IQSEC2: variants seen among roughly 807,000 people sequenced by gnomAD.
The protein encoded by IQSEC2 is IQ motif and SEC7 domain-containing protein 2.
In IQSEC2, 6 loss-of-function variants were observed where a neutral mutation model predicts 74.6. The ratio of observed to expected loss-of-function variants is 0.08; its 90% confidence interval spans 0.04 to 0.16. IQSEC2 has a LOEUF of 0.16. Ranked by LOEUF, IQSEC2 falls within the 10% of genes least tolerant of loss-of-function variation. The probability of loss-of-function intolerance (pLI) is 1.00; values close to 1 mark genes in which losing one functional copy is unlikely to be tolerated. For synonymous variants in IQSEC2, 494 were observed against 544.5 expected (o/e 0.91, Z 1.29); for missense variants, 734 against 1,306.2 (o/e 0.56, Z 6.75).
intron 1 of IQSEC2, among the ~76,000 whole-genome samples, chrX:53,315,618 C>A (rs1374454319): frequency 1.8e-5 from 2 of 112,047 alleles, no homozygotes; most frequent in African/African-American, 6.5e-5. Flanking sequence ...ATAACAATAT[C>A]TACACGAGAG....
At chrX:53,266,559 C>T in intron 2 of IQSEC2, 1 of 763,613 alleles carries the variant, frequency 1.3e-6, no homozygotes, top group Non-Finnish European at 1.5e-6. Context: ...CCCTAGGCAC[C>T]CTGCATCTCT....
chrX:53,259,913 C>A (rs1181923065), intron 2 of IQSEC2, among the ~76,000 whole-genome samples: 2 of 112,427 alleles, frequency 1.8e-5, no homozygotes, highest in African/African-American at 3.2e-5. Context: ...ACTGAGCACC[C>A]TCTGTATGCC....
chrX:53,254,829 C>G lies in IQSEC2; in HGVS notation c.1102G>C (p.Glu368Gln), dbSNP rs1556864716. The change falls in exon 4 of 15, where the codon GAG becomes CAG. Residue 368 changes from glutamate (E) to glutamine (Q), a missense_variant. Transcript: ENST00000642864. ...FRQYRMNKNFERLRSSASESR... is the reference protein window; with the variant it reads ...FRQYRMNKNFQRLRSSASESR... ...TCTGAGGCTGAGCTGCGTAGCCGCT[C>G]AAAGTTCTTGTTCATGCGGTACTGG... is the stretch of plus-strand genomic sequence containing the variant. 1.7e-6 allele frequency: 2 copies of G among 1,206,485 alleles called. No homozygotes were observed. The highest frequency in any genetic ancestry group is 1.7e-5 in the African/African-American group (1 of 57,168).
intron 2 of IQSEC2, among the ~76,000 whole-genome samples, chrX:53,280,567 G>C (rs2074938931): frequency 9.1e-6 from 1 of 110,170 alleles, no homozygotes; most frequent in Non-Finnish European, 1.9e-5. Flanking sequence ...CAGAGGATGG[G>C]GTGGTTCCAG....
downstream of IQSEC2, chrX:53,229,181 CG>C (rs1278372879): frequency 8.9e-6 from 1 of 111,753 alleles, no homozygotes; most frequent in Admixed American, 9.5e-5. Context: ...TAAAAAGAAC[CG>C]GGGCTCCTTG....
In IQSEC2 at chrX:53,241,842, C is replaced by T. The variant is rs782159168; in HGVS notation, c.2957G>A (p.Arg986His). The change falls in exon 10 of 15, where the codon CGC (arginine) becomes CAC (histidine). Residue 986 changes from arginine (R) to histidine (H), a missense_variant. Around this residue, in one of 12 missense-constraint regions of IQSEC2, gnomAD observed 249 missense variants for 467.9 expected, o/e 0.53. Coordinates refer to ENST00000642864, the MANE Select transcript of IQSEC2 (RefSeq NM_001111125.3). The stretch of plus-strand genomic sequence containing the variant: ...CTGATGCAACCCTAGCCTCTGGGGG[C>T]GGTTTGGATCTGGCACCTCGTAGAG... ...CQLYEVPDPNRPQRLGLHQRE... is the reference protein window; with the variant it reads ...CQLYEVPDPNHPQRLGLHQRE... 10 of 1,210,930 alleles carry T rather than the reference C, an allele frequency of 8.3e-6. No individual in the cohort carries two copies. The highest frequency in any genetic ancestry group is 5.3e-5 in the South Asian group (3 of 56,772).
chrX:53,243,197 C>CAGA, intron 9 of IQSEC2, 135 bp downstream of exon 9: 1 of 502,367 alleles, frequency 2.0e-6, no homozygotes. Context: ...CCACAGCCTT[C>CAGA]TGAGGAATGC....
intron 1 of IQSEC2, among the ~76,000 whole-genome samples, chrX:53,319,904 C>G (rs2075412058): frequency 9.2e-6 from 1 of 108,882 alleles, no homozygotes; most frequent in Non-Finnish European, 1.9e-5. Context: ...GTCTCAGCCT[C>G]CAGCAGCCAT....
intron 2 of IQSEC2, among the ~76,000 whole-genome samples, chrX:53,288,379 C>T (rs782345073): frequency 2.0e-4 from 22 of 110,375 alleles, no homozygotes; most frequent in East Asian, 5.8e-4. Flanking sequence ...CGGGTGTCAG[C>T]GGCTCCCCCA....
In IQSEC2 at chrX:53,260,701, T is replaced by G. The variant is rs185431226; in HGVS notation, c.738-4640A>C. Among the ~76,000 whole-genome samples, 347 of 111,505 alleles carry G rather than the reference T, an allele frequency of 3.1e-3. 3 individuals carry two copies. Among genetic ancestry groups the G allele is most frequent in the African/African-American group, 0.011 (329 of 30,652 alleles). On this transcript the variant is annotated intron_variant, in intron 2 of 14. Coordinates refer to ENST00000642864, the MANE Select transcript of IQSEC2 (RefSeq NM_001111125.3). ...TGTCTTACACCCGCTCCTCTCGGGC[T>G]GCAGTAGGGCCCTGTTGTCACCTCT...
rs782112810 is a variant in IQSEC2 at position 53,234,983 on chromosome X, C to T, written c.3703G>A (p.Ala1235Thr). 2 of 1,167,477 alleles carry T rather than the reference C, an allele frequency of 1.7e-6. No homozygotes were observed. Among genetic ancestry groups the T allele is most frequent in the South Asian group, 1.9e-5 (1 of 52,725 alleles). The change falls in exon 15 of 15, where the codon GCT (alanine) becomes ACT (threonine). Residue 1235 changes from alanine to threonine, a missense_variant. Coordinates refer to ENST00000642864, the MANE Select transcript of IQSEC2 (RefSeq NM_001111125.3). ...TGQASASSSSASSTHHHHHHH... is the reference protein window; with the variant it reads ...TGQASASSSSTSSTHHHHHHH... ...TGGTGGTGGTGGTGCGTGGAAGAAGCAGATGAAGAGGAGGCAGAGGCCTGG... is the reference window on the plus strand; with the variant it reads ...TGGTGGTGGTGGTGCGTGGAAGAAGTAGATGAAGAGGAGGCAGAGGCCTGG...
chrX:53,234,945 A>ATGATGG lies in IQSEC2; in HGVS notation c.3735_3740dup (p.His1246_His1247dup), dbSNP rs1556859208. 1 of 1,167,458 alleles carries ATGATGG rather than the reference A, an allele frequency of 8.6e-7. No individual in the cohort carries two copies. On this transcript the variant is annotated inframe_insertion, in exon 15 of 15. Coordinates refer to ENST00000642864, the MANE Select transcript of IQSEC2 (RefSeq NM_001111125.3). ...CCCCCAGGCCACCGTGGCTATGGCC[A>ATGATGG]TGATGGTGGTGGTGGTGGTGGTGGT...
intron 2 of IQSEC2, among the ~76,000 whole-genome samples, chrX:53,263,569 C>T (rs1024614938): frequency 1.0e-4 from 11 of 110,447 alleles, no homozygotes; most frequent in Non-Finnish European, 1.7e-4. Context: ...ATCCACATAA[C>T]CAAGCCCATG....
chrX:53,240,714 C>G (rs782228853), intron 10 of IQSEC2, among the ~76,000 whole-genome samples: 1 of 112,048 alleles, frequency 8.9e-6, no homozygotes, highest in Non-Finnish European at 1.9e-5. Flanking sequence ...AGAGTCCCAT[C>G]CCTAAAAGAC....
chrX:53,281,603 TC>T (rs2147266463), intron 2 of IQSEC2: 1 of 1,065,711 alleles, frequency 9.4e-7, no homozygotes, highest in East Asian at 3.6e-5. Context: ...CCCCAGCCCT[TC>T]CCTAGAAGGA....
At chrX:53,294,095 AATATC>A (rs1410331348) in intron 1 of IQSEC2, among the ~76,000 whole-genome samples, 1 of 111,617 alleles carries the variant, frequency 9.0e-6, no homozygotes, top group African/African-American at 3.3e-5. Context: ...TTCATTCCTC[AATATC>A]AAGCCAGAGA....
intron 2 of IQSEC2, among the ~76,000 whole-genome samples, chrX:53,264,433 C>T (rs782041283): frequency 1.1e-4 from 12 of 105,141 alleles, no homozygotes; most frequent in African/African-American, 3.8e-4. Context: ...CCCCCTCCCC[C>T]CATGTAGTTG....
chrX:53,321,304 G>T lies in IQSEC2; in HGVS notation c.-181C>A. ...ACAGCGCTGGGGCCGGCGGCACGGG[G>T]AGCAGGAGCTGAGGCTGCCGCCGCC... On this transcript the variant is annotated 5_prime_UTR_variant, in exon 1 of 15. Transcript: ENST00000642864. The T allele has an allele frequency of 3.4e-6, 1 of 291,867 alleles. No individual in the cohort carries two copies. Among genetic ancestry groups the T allele is most frequent in the Non-Finnish European group, 5.9e-6 (1 of 170,217 alleles). The allele number at this position is 291,867 out of a possible 1,213,427, so 24.1% of individuals were successfully genotyped here.
rs2147048862 is a variant in IQSEC2 at position 53,241,716 on chromosome X, G to A, written c.3015+68C>T. On this transcript the variant is annotated intron_variant, in intron 10 of 14. Coordinates refer to ENST00000642864, the MANE Select transcript of IQSEC2 (RefSeq NM_001111125.3). ...ACACACCACACACCTACATCAATAT[G>A]GTTCACACCAGACTTAGGTGTCAAG... is the stretch of plus-strand genomic sequence containing the variant. 6 of 1,180,273 alleles carry A rather than the reference G, an allele frequency of 5.1e-6. No homozygotes were observed. In the East Asian group the frequency reaches 1.8e-4, roughly 35 times the overall value.
Sources: allele counts gnomAD v4.1 joint callset (sites outside exome capture counted in the v4.1 genomes callset), GRCh38; gene constraint gnomAD v4.1.1; regional missense constraint gnomAD v4.1.1; transcripts MANE v1.5; gene names NCBI Gene and HGNC (gene_info 2026-07-23, HGNC 2026-07-21).